HAO1: variants seen among roughly 807,000 people sequenced by gnomAD.
The protein encoded by HAO1 is 2-Hydroxyacid oxidase 1.
In HAO1, 34 loss-of-function variants were observed where a neutral mutation model predicts 39.7. The observed-to-expected ratio is 0.86, with a 90% CI of 0.65 to 1.14. The LOEUF (loss-of-function observed/expected upper bound fraction) is 1.14, where lower values mean the gene tolerates loss of function less well. Among genes scored for constraint, HAO1 ranks in the 50% most tolerant of loss-of-function variants. The pLI, the probability that HAO1 is intolerant of heterozygous loss-of-function variation, is 0.00. For missense variants in HAO1, 479 were observed against 464.5 expected, an observed-to-expected ratio of 1.03 and a Z score of -0.29; for synonymous variants, 172 against 173.2, an observed-to-expected ratio of 0.99 and a Z score of 0.05.
At chr20:7,935,931 TA>T in intron 1 of HAO1, among the ~76,000 whole-genome samples, 1 of 152,292 alleles carries the variant, frequency 6.6e-6, no homozygotes, top group South Asian at 2.1e-4. Context: ...TTCCTAGATG[TA>T]ACTCTACTTC....
intron 1 of HAO1, among the ~76,000 whole-genome samples, chr20:7,939,669 CAT>C (rs2122807305): frequency 6.6e-6 from 1 of 152,142 alleles, no homozygotes; most frequent in South Asian, 2.1e-4. Context: ...AAACAGAAAA[CAT>C]AAACCATGTC....
At chr20:7,885,940 G>C in intron 5 of HAO1, 76 bp from the exon 6 acceptor site, 1 of 1,225,692 alleles carries the variant, frequency 8.2e-7, no homozygotes, top group Non-Finnish European at 1.2e-6. Flanking sequence ...AAAAACCACT[G>C]ACACATCCAG....
At chr20:7,918,010 C>T (rs2050314812) in intron 2 of HAO1, among the ~76,000 whole-genome samples, 1 of 152,156 alleles carries the variant, frequency 6.6e-6, no homozygotes, top group South Asian at 2.1e-4. Flanking sequence ...GTTATTGCTG[C>T]TCAGTGATTA....
intron 2 of HAO1, among the ~76,000 whole-genome samples, chr20:7,934,190 T>A (rs1346579214): frequency 1.3e-5 from 2 of 152,290 alleles, no homozygotes; most frequent in Non-Finnish European, 2.9e-5. Context: ...TGCCATGAAC[T>A]TTGTATACCT....
At chr20:7,927,849 T>C (rs529450939) in intron 2 of HAO1, among the ~76,000 whole-genome samples, 31 of 152,220 alleles carry the variant, frequency 2.0e-4, no homozygotes, top group Admixed American at 4.6e-4. Context: ...CAGGATATTA[T>C]AGGTAGCACT....
Position 7,885,734 on chromosome 20 carries a change from C to G in HAO1, c.944G>C (p.Arg315Thr). Residue 315 changes from arginine to threonine, a missense_variant, in exon 6 of 8, where the codon AGA becomes ACA. By Grantham distance (71) the Arg-to-Thr change is moderately conservative (BLOSUM62 -1). Coordinates refer to ENST00000378789, the MANE Select transcript of HAO1 (RefSeq NM_017545.3). Reference protein sequence around the residue: ...ALGAKAVFVGRPIVWGLAFQG... With the variant: ...ALGAKAVFVGTPIVWGLAFQG... ...GAAAGCTAAGCCCCAAACGATTGGTCTCCCCACAAACACAGCCTTGGCGCC... is the reference window on the plus strand; with the variant it reads ...GAAAGCTAAGCCCCAAACGATTGGTGTCCCCACAAACACAGCCTTGGCGCC... 1.2e-6 allele frequency: 2 copies of G among 1,613,650 alleles called. No homozygotes were observed. Among genetic ancestry groups the G allele is most frequent in the Non-Finnish European group, 1.7e-6 (2 of 1,179,656 alleles).
intron 5 of HAO1, 150 bp from the exon 6 acceptor site, chr20:7,886,014 A>C (rs1177725056): frequency 3.3e-6 from 2 of 605,430 alleles, no homozygotes; most frequent in South Asian, 2.3e-5. Flanking sequence ...TTTCCTTCTC[A>C]AAGAAGAGAG....
chr20:7,914,015 C>T lies in HAO1; in HGVS notation c.545+149G>A. 19 of 796,520 alleles carry T rather than the reference C, an allele frequency of 2.4e-5. No individual in the cohort carries two copies. The South Asian group carries it at 3.3e-4, about 14-fold the overall frequency. 49.3% of individuals were successfully genotyped at this position (796,520 alleles called of 1,614,324 possible). On this transcript the variant is annotated intron_variant, in intron 3 of 7. Transcript: ENST00000378789. ...GGCCATTTCTGTTTCTATTGTGTATCTCAAAAAAAGTGATGTCTACAAAAG... is the reference window on the plus strand; with the variant it reads ...GGCCATTTCTGTTTCTATTGTGTATTTCAAAAAAAGTGATGTCTACAAAAG...
intron 2 of HAO1, among the ~76,000 whole-genome samples, chr20:7,931,434 C>T (rs1163362651): frequency 6.6e-6 from 1 of 152,182 alleles, no homozygotes; most frequent in African/African-American, 2.4e-5. Context: ...CAGAATACCT[C>T]TGTCTGAATC....
intron 2 of HAO1, among the ~76,000 whole-genome samples, chr20:7,932,926 T>C (rs970803041): frequency 6.6e-6 from 1 of 152,200 alleles, no homozygotes; most frequent in Non-Finnish European, 1.5e-5. Context: ...GATTATTTTC[T>C]AGGAAGATTA....
At chr20:7,931,944 T>C (rs183304788) in intron 2 of HAO1, among the ~76,000 whole-genome samples, 1 of 152,266 alleles carries the variant, frequency 6.6e-6, no homozygotes, top group East Asian at 1.9e-4. Flanking sequence ...TAAAGCAATA[T>C]GTGTTGGTAT....
chr20:7,907,949 A>G (rs1568514133), intron 3 of HAO1, among the ~76,000 whole-genome samples: 1 of 152,188 alleles, frequency 6.6e-6, no homozygotes, highest in African/African-American at 2.4e-5. Flanking sequence ...GCTCTTCTGC[A>G]TACTATTAAT....
intron 4 of HAO1, 57 bp from the exon 5 acceptor site, chr20:7,895,281 T>G (rs1458927422): frequency 1.9e-6 from 2 of 1,062,844 alleles, no homozygotes; most frequent in Non-Finnish European, 2.9e-6. Context: ...GCAGCTTGGG[T>G]TTAGAGGCCT....
intron 2 of HAO1, among the ~76,000 whole-genome samples, chr20:7,926,863 CTT>C (rs34738743): frequency 1.0e-3 from 149 of 145,924 alleles, no homozygotes; most frequent in East Asian, 8.9e-3. Flanking sequence ...TCTTTTAAAA[CTT>C]TTTTTTTTTT....
At chr20:7,902,391 A>G (rs763766673) in intron 4 of HAO1, among the ~76,000 whole-genome samples, 3 of 152,240 alleles carry the variant, frequency 2.0e-5, no homozygotes, top group Non-Finnish European at 4.4e-5. Flanking sequence ...AAGACCCTCC[A>G]CCAGCAAAAA....
At chr20:7,888,513 C>T (rs905095628) in intron 5 of HAO1, among the ~76,000 whole-genome samples, 2 of 152,124 alleles carry the variant, frequency 1.3e-5, no homozygotes, top group Non-Finnish European at 2.9e-5. Flanking sequence ...ACCAGAGGTG[C>T]TTAGTTAAAC....
At chr20:7,885,655 G>T in intron 6 of HAO1, 51 bp downstream of exon 6, 1 of 1,569,818 alleles carries the variant, frequency 6.4e-7, no homozygotes, top group Non-Finnish European at 8.8e-7. Flanking sequence ...TTATTCATTT[G>T]TTTTACTGTC....
chr20:7,934,664 A>G (rs1484373265), intron 1 of HAO1, 29 bp from the exon 2 acceptor site: 2 of 1,428,592 alleles, frequency 1.4e-6, no homozygotes, highest in Admixed American at 2.5e-5. Flanking sequence ...ATAAAATAAA[A>G]GGCTTTAGAG....
At chr20:7,906,995 C>T (rs548720423) in intron 3 of HAO1, among the ~76,000 whole-genome samples, 1 of 152,186 alleles carries the variant, frequency 6.6e-6, no homozygotes, top group African/African-American at 2.4e-5. Flanking sequence ...GTAGAAAATT[C>T]TAGAAGAGGT....
Sources: gnomAD v4.1 joint callset for allele counts (sites outside exome capture counted in the v4.1 genomes callset) on GRCh38, gnomAD v4.1.1 for gene constraint, MANE v1.5 for transcripts, NCBI Gene and HGNC (gene_info 2026-07-23, HGNC 2026-07-21) for gene names.